PLXNB1: variants seen among roughly 807,000 people sequenced by gnomAD.
The protein encoded by PLXNB1 is plexin-B1.
Under a neutral mutation model 209.4 loss-of-function variants are expected in PLXNB1, and 106 were observed. That is an observed-to-expected ratio of 0.51 (90% CI 0.43 to 0.59). PLXNB1 has a LOEUF of 0.59. PLXNB1 is among the 20% of genes least tolerant of loss of function. The probability of loss-of-function intolerance (pLI) is 0.00; values close to 1 mark genes in which losing one functional copy is unlikely to be tolerated. For synonymous variants in PLXNB1, 1,167 were observed against 1,183.2 expected (o/e 0.99, Z 0.28); for missense variants, 2,357 against 2,853.2 (o/e 0.83, Z 3.96).
At position 48,418,528 on chromosome 3, in the gene PLXNB1, A is replaced by G. The variant is rs759755139; in HGVS notation, c.2970T>C (p.Ala990=). The G allele has an allele frequency of 1.4e-5, 23 of 1,602,636 alleles. No individual in the cohort carries two copies. In the South Asian group the frequency reaches 2.3e-4, roughly 16 times the overall value. The change falls in exon 14 of 38, where the codon GCT becomes GCC. Residue 990 remains alanine (A), a synonymous_variant. Coordinates refer to ENST00000296440, the MANE Select transcript of PLXNB1 (RefSeq NM_001130082.3). The surrounding 1 kb of genome is among the most constrained non-coding windows in gnomAD (Gnocchi z 6.6). ...GCCCCACACGGAGCTCCGGCTGCAG[A>G]GCCTCATAGCTGAGCTGGAGAAATG... ...TCQQHQLSYE[A]LQPELRVGLF... is the part of the protein sequence containing the mutation.
In PLXNB1 at chr3:48,405,943, C is replaced by A. The variant is rs1383100215; in HGVS notation, c.6229-145G>T. ...TGGGCACTACAGTGGGAAGCAGAGT[C>A]CCCTCCATGGCCCAGGGACCCCAGG... On this transcript the variant is annotated intron_variant, in intron 36 of 37. Transcript: ENST00000296440. The surrounding 1 kb of genome is among the most constrained non-coding windows in gnomAD (Gnocchi z 5.0). The A allele has an allele frequency of 7.6e-6, 5 of 658,288 alleles. No individual in the cohort carries two copies. The highest frequency in any genetic ancestry group is 7.1e-5 in the African/African-American group (4 of 55,954). The allele number at this position is 658,288 out of a possible 1,614,324, so 40.8% of individuals were successfully genotyped here. A position where few individuals can be genotyped will look rare whatever the true frequency, so the allele number is the denominator to read the frequency against.
chr3:48,420,770 G>A lies in PLXNB1; in HGVS notation c.1923C>T (p.Cys641=). 11 of 1,613,996 alleles carry A rather than the reference G, an allele frequency of 6.8e-6. No individual in the cohort carries two copies. Among genetic ancestry groups the A allele is most frequent in the Non-Finnish European group, 9.3e-6 (11 of 1,179,906 alleles). ...AVTELRPSAQ[C]QACVSSRWGC... is the part of the protein sequence containing the mutation. ...CCCAGCGGCTGCTCACACAGGCCTGGCACCTGCACAGAGCACAGCCATGGG... is the reference window on the plus strand; with the variant it reads ...CCCAGCGGCTGCTCACACAGGCCTGACACCTGCACAGAGCACAGCCATGGG... The change falls in exon 10 of 38, where the codon TGC becomes TGT. Residue 641 remains cysteine, a synonymous_variant. Coordinates refer to ENST00000296440, the MANE Select transcript of PLXNB1 (RefSeq NM_001130082.3).
At chr3:48,422,736 G>A (rs1452619737) in intron 4 of PLXNB1, 29 bp downstream of exon 4, 4 of 1,602,412 alleles carry the variant, frequency 2.5e-6, no homozygotes, top group Non-Finnish European at 2.6e-6. Flanking sequence ...AGACTCTGGG[G>A]CAGGGGCCAG....
chr3:48,411,021 AT>A lies in PLXNB1; in HGVS notation c.5262del (p.Leu1755TrpfsTer15). ...VEYRPLTLNALLAVGPGAGEA... is the reference protein window; with the variant it reads ...VEYRPLTLNAXLAVGPGAGEA... ...TCTCCTGCCCCAGGCCCCACAGCCAATAGTGCATTCAAGGTCTGTGCAGGAC... is the reference window on the plus strand; with the variant it reads ...TCTCCTGCCCCAGGCCCCACAGCCAAAGTGCATTCAAGGTCTGTGCAGGAC... On this transcript the variant is annotated frameshift_variant, in exon 29 of 38. Coordinates refer to ENST00000296440, the MANE Select transcript of PLXNB1 (RefSeq NM_001130082.3). LOFTEE classifies it high-confidence loss of function. This position sits in a 1 kb window ranked among gnomAD's most constrained non-coding sequence, Gnocchi z 4.0. 5 of 1,613,514 alleles carry A rather than the reference AT, an allele frequency of 3.1e-6. No individual in the cohort carries two copies. The highest frequency in any genetic ancestry group is 4.2e-6 in the Non-Finnish European group (5 of 1,179,850).
rs1485745289 is a variant in PLXNB1 at position 48,416,543 on chromosome 3, T to A, written c.3375-92A>T. On this transcript the variant is annotated intron_variant, in intron 16 of 37. Transcript: ENST00000296440. The surrounding 1 kb of genome is among the most constrained non-coding windows in gnomAD (Gnocchi z 4.1). ...CCCCTCTCCCTGCCCTACTGTCAGG[T>A]GGTCTTCCCCTTCCCATGCTCCATA... 1 of 764,648 alleles carries A rather than the reference T, an allele frequency of 1.3e-6. No individual in the cohort carries two copies. The highest frequency in any genetic ancestry group is 1.7e-5 in the African/African-American group (1 of 57,480). 47.4% of individuals were successfully genotyped at this position (764,648 alleles called of 1,614,324 possible).
Position 48,406,902 on chromosome 3 carries a change from C to A in PLXNB1, c.6153-4G>T, listed in dbSNP as rs377164037. On this transcript the variant is annotated splice_polypyrimidine_tract_variant and splice_region_variant and intron_variant, in intron 35 of 37. Coordinates refer to ENST00000296440, the MANE Select transcript of PLXNB1 (RefSeq NM_001130082.3). This position sits in a 1 kb window ranked among gnomAD's most constrained non-coding sequence, Gnocchi z 4.4. ...CTGTCTGATGTCTGCATAGTACCTG[C>A]CAGAGAGCCAGGGCACAGCAGCTGC... The A allele has an allele frequency of 6.2e-7, 1 of 1,613,040 alleles. No individual in the cohort carries two copies. The highest frequency in any genetic ancestry group is 1.1e-5 in the South Asian group (1 of 90,940).
At chr3:48,423,406 C>A in intron 3 of PLXNB1, 99 bp downstream of exon 3, 1 of 1,330,744 alleles carries the variant, frequency 7.5e-7, no homozygotes, top group Admixed American at 1.9e-5. Flanking sequence ...CCTCGTGCTA[C>A]CACCAGCTGC....
chr3:48,414,185 C>G, intron 21 of PLXNB1, 114 bp from the exon 22 acceptor site: 1 of 961,644 alleles, frequency 1.0e-6, no homozygotes. Context: ...GACAGCCTCT[C>G]AGCACCCTTC....
In PLXNB1 at chr3:48,416,370, G is replaced by T. The variant is rs2038101954; in HGVS notation, c.3456C>A (p.Val1152=). The T allele has an allele frequency of 1.2e-6, 2 of 1,612,810 alleles. No homozygotes were observed. The highest frequency in any genetic ancestry group is 1.3e-5 in the African/African-American group (1 of 75,044). The change falls in exon 17 of 38, where the codon GTC becomes GTA. Residue 1152 remains valine, a synonymous_variant. Transcript: ENST00000296440. The surrounding 1 kb of genome is among the most constrained non-coding windows in gnomAD (Gnocchi z 4.1). ...CCTGGTAGGCAAAGTCGTGTTCTGA[G>T]ACACCACGTCCTCTTCCCGGCACCT... The part of the protein sequence containing the change: ...AVEVPGRGRG[V]SEHDFAYQDP...
At position 48,420,944 on chromosome 3, in the gene PLXNB1, A is replaced by C. The variant is rs1182444714; in HGVS notation, c.1823T>G (p.Val608Gly). The C allele has an allele frequency of 6.2e-7, 1 of 1,613,530 alleles. No individual in the cohort carries two copies. Among genetic ancestry groups the C allele is most frequent in the South Asian group, 1.1e-5 (1 of 91,050 alleles). ...AGCGCCAAATCTGAGCTCCACGCTC[A>C]CGGATACGTAGTCTGCAGAGGGGGA... Reference protein sequence around the residue: ...VLPRGADYVSVSVELRFGAVV... With the variant: ...VLPRGADYVSGSVELRFGAVV... Residue 608 changes from valine to glycine, a missense_variant, in exon 9 of 38, where the codon GTG (valine) becomes GGG (glycine). By Grantham distance (109) the Val-to-Gly change is moderately radical. Coordinates refer to ENST00000296440, the MANE Select transcript of PLXNB1 (RefSeq NM_001130082.3).
At position 48,417,762 on chromosome 3, in the gene PLXNB1, G is replaced by T; in HGVS notation, c.3374+149C>A. 1.2e-6 allele frequency: 1 copy of T among 851,000 alleles called. No homozygotes were observed. Among genetic ancestry groups the T allele is most frequent in the Non-Finnish European group, 1.8e-6 (1 of 554,716 alleles). 52.7% of individuals were successfully genotyped at this position (851,000 alleles called of 1,614,324 possible). A position where few individuals can be genotyped will look rare whatever the true frequency, so the allele number is the denominator to read the frequency against. On this transcript the variant is annotated intron_variant, in intron 16 of 37. Transcript: ENST00000296440. This position sits in a 1 kb window ranked among gnomAD's most constrained non-coding sequence, Gnocchi z 4.4. ...GTGGTGGGTGCTCAGGGTCTTCAGT[G>T]GCAACGCTGGCACTCGGGCATTGTG...
Position 48,418,345 on chromosome 3 carries a change from G to T in PLXNB1, c.3068C>A (p.Ser1023Tyr), listed in dbSNP as rs780271727. Residue 1023 changes from serine (S) to tyrosine (Y), a missense_variant, in exon 15 of 38, where the codon TCC becomes TAC. Physicochemically the swap from Ser to Tyr is moderately radical, Grantham distance 144. Transcript: ENST00000296440. This position sits in a 1 kb window ranked among gnomAD's most constrained non-coding sequence, Gnocchi z 6.6. ...EGLHVVLYDCSVGHGDCSRCQ... is the reference protein window; with the variant it reads ...EGLHVVLYDCYVGHGDCSRCQ... Reference sequence around the variant, plus strand: ...GCGGCTGCAGTCTCCATGTCCCACGGAACAGTCATACAGTACCACTGGGGG... The same window carrying T: ...GCGGCTGCAGTCTCCATGTCCCACGTAACAGTCATACAGTACCACTGGGGG... The T allele has an allele frequency of 6.2e-7, 1 of 1,613,678 alleles. No individual in the cohort carries two copies. Among genetic ancestry groups the T allele is most frequent in the South Asian group, 1.1e-5 (1 of 91,088 alleles).
chr3:48,405,816 T>C lies in PLXNB1; in HGVS notation c.6229-18A>G, dbSNP rs760304722. 5 of 1,608,438 alleles carry C rather than the reference T, an allele frequency of 3.1e-6. No homozygotes were observed. The highest frequency in any genetic ancestry group is 4.3e-6 in the Non-Finnish European group (5 of 1,175,896). On this transcript the variant is annotated intron_variant, in intron 36 of 37. Coordinates refer to ENST00000296440, the MANE Select transcript of PLXNB1 (RefSeq NM_001130082.3). This position sits in a 1 kb window ranked among gnomAD's most constrained non-coding sequence, Gnocchi z 5.0. Reference sequence around the variant, plus strand: ...GAGTAGTTCTAGGGAAGAGGCCAAATGAAAGGTGAGAGAGACGAGGGGTGC... The same window carrying C: ...GAGTAGTTCTAGGGAAGAGGCCAAACGAAAGGTGAGAGAGACGAGGGGTGC...
rs965822935 is a variant in PLXNB1 at position 48,418,339 on chromosome 3, C to T, written c.3074G>A (p.Gly1025Glu). The T allele has an allele frequency of 1.1e-5, 18 of 1,613,572 alleles. No individual in the cohort carries two copies. Among genetic ancestry groups the T allele is most frequent in the Non-Finnish European group, 1.5e-5 (18 of 1,180,040 alleles). ...LHVVLYDCSVGHGDCSRCQTA... is the reference protein window; with the variant it reads ...LHVVLYDCSVEHGDCSRCQTA... ...TTGGCAGCGGCTGCAGTCTCCATGT[C>T]CCACGGAACAGTCATACAGTACCAC... Residue 1025 changes from glycine (G) to glutamate (E), a missense_variant, in exon 15 of 38, where the codon GGA (glycine) becomes GAA (glutamate). Transcript: ENST00000296440. This position sits in a 1 kb window ranked among gnomAD's most constrained non-coding sequence, Gnocchi z 6.6.
chr3:48,410,566 G>A lies in PLXNB1; in HGVS notation c.5417-8C>T, dbSNP rs766670830. The A allele has an allele frequency of 1.9e-6, 3 of 1,609,970 alleles. No homozygotes were observed. The highest frequency in any genetic ancestry group is 1.7e-6 in the Non-Finnish European group (2 of 1,177,046). On this transcript the variant is annotated splice_region_variant and splice_polypyrimidine_tract_variant and intron_variant, in intron 29 of 37. Coordinates refer to ENST00000296440, the MANE Select transcript of PLXNB1 (RefSeq NM_001130082.3). The surrounding 1 kb of genome is among the most constrained non-coding windows in gnomAD (Gnocchi z 6.4). ...CCACCCCAGACCGCCACTCTGCAAG[G>A]GCAAGGCAGAACTGGGTGCAGGGCT...
intron 37 of PLXNB1, among the ~76,000 whole-genome samples, chr3:48,404,844 G>A (rs2037219039): frequency 1.3e-5 from 2 of 152,134 alleles, no homozygotes; most frequent in African/African-American, 4.8e-5. Flanking sequence ...CTCCTCAGAA[G>A]CCCTGCTGCA....
In PLXNB1 at chr3:48,409,032, G is replaced by A. The variant is rs1426719504; in HGVS notation, c.6087+297C>T. Among the ~76,000 whole-genome samples the A allele has an allele frequency of 6.6e-6, 1 of 152,208 alleles. No individual in the cohort carries two copies. Among genetic ancestry groups the A allele is most frequent in the Admixed American group, 6.5e-5 (1 of 15,276 alleles). On this transcript the variant is annotated intron_variant, in intron 34 of 37. Coordinates refer to ENST00000296440, the MANE Select transcript of PLXNB1 (RefSeq NM_001130082.3). This position sits in a 1 kb window ranked among gnomAD's most constrained non-coding sequence, Gnocchi z 5.8. ...CCTTCTGTGGCTCCCACTGCCCCAG[G>A]AGTGAGTCCTGACCAACTGGCCCTG... is the stretch of plus-strand genomic sequence containing the variant.
Position 48,410,012 on chromosome 3 carries a change from C to T in PLXNB1, c.5671G>A (p.Asp1891Asn). Residue 1891 changes from aspartate (D) to asparagine (N), a missense_variant, in exon 32 of 38, where the codon GAT becomes AAT. Around this residue, in one of 7 missense-constraint regions of PLXNB1, gnomAD observed 414 missense variants for 520.5 expected, o/e 0.80. Transcript: ENST00000296440. The surrounding 1 kb of genome is among the most constrained non-coding windows in gnomAD (Gnocchi z 6.4). ...CGAGGCCTGGGCGGCTCCGGCTCAT[C>T]ACTTGGCTTCACCAGGTGCCAGGGC... ...IRPWHLVKPS[D>N]EPEPPRPRRG... 1.2e-6 allele frequency: 2 copies of T among 1,612,628 alleles called. No individual in the cohort carries two copies. The highest frequency in any genetic ancestry group is 1.7e-6 in the Non-Finnish European group (2 of 1,179,450).
In PLXNB1 at chr3:48,417,826, G is replaced by A; in HGVS notation, c.3374+85C>T. Reference sequence around the variant, plus strand: ...AACAGGGAGAGAGGGGGGCAGATGAGCGGTGGGTGGGAGGCCCCAAGCAGC... The same window carrying A: ...AACAGGGAGAGAGGGGGGCAGATGAACGGTGGGTGGGAGGCCCCAAGCAGC... On this transcript the variant is annotated intron_variant, in intron 16 of 37. Transcript: ENST00000296440. This position sits in a 1 kb window ranked among gnomAD's most constrained non-coding sequence, Gnocchi z 4.4. 1 of 1,381,628 alleles carries A rather than the reference G, an allele frequency of 7.2e-7. No homozygotes were observed. Among genetic ancestry groups the A allele is most frequent in the South Asian group, 1.3e-5 (1 of 77,320 alleles). The allele number at this position is 1,381,628 out of a possible 1,614,324, so 85.6% of individuals were successfully genotyped here. A position where few individuals can be genotyped will look rare whatever the true frequency, so the allele number is the denominator to read the frequency against.
Sources: allele counts gnomAD v4.1 joint callset (sites outside exome capture counted in the v4.1 genomes callset), GRCh38; gene constraint gnomAD v4.1.1; regional missense constraint gnomAD v4.1.1; non-coding constraint Gnocchi (gnomAD v3.1); transcripts MANE v1.5; gene names NCBI Gene and HGNC (gene_info 2026-07-23, HGNC 2026-07-21).